EFR3A: variants seen among roughly 807,000 people sequenced by gnomAD.
EFR3A encodes EFR3 homolog A, also known as protein EFR3 homolog A.
A neutral mutation model predicts 104.4 loss-of-function variants in EFR3A; 76 were observed. The observed-to-expected ratio is 0.73, with a 90% CI of 0.60 to 0.88. The LOEUF is 0.88. Among genes scored for constraint, EFR3A ranks in the 40% least tolerant of loss-of-function variants. The pLI is 0.00. For missense variants in EFR3A, 985 were observed against 1,012.5 expected (o/e 0.97, Z 0.37); for synonymous variants, 330 against 330.0 (o/e 1.00, Z 0.00).
intron 8 of EFR3A, among the ~76,000 whole-genome samples, chr8:131,965,919 G>A (rs1819692926): frequency 6.6e-6 from 1 of 152,108 alleles, no homozygotes; most frequent in Non-Finnish European, 1.5e-5. Flanking sequence ...TAGGGACATG[G>A]ATGAAATTGG....
chr8:131,935,725 TTTTTG>T (rs1817846089), intron 1 of EFR3A, among the ~76,000 whole-genome samples: 1 of 152,102 alleles, frequency 6.6e-6, no homozygotes, highest in African/African-American at 2.4e-5. Context: ...TAACTTAGTA[TTTTTG>T]TTTTGGAGGA....
chr8:132,002,413 T>TTG (rs995091154), intron 20 of EFR3A, among the ~76,000 whole-genome samples, 190 bp from the exon 21 acceptor site: 7 of 152,118 alleles, frequency 4.6e-5, no homozygotes, highest in African/African-American at 1.7e-4. Context: ...TTTTGGGTTT[T>TTG]TGTGTGTGTG....
intron 12 of EFR3A, 90 bp downstream of exon 12, chr8:131,977,182 TTAAG>T (rs1222825238): frequency 7.8e-6 from 7 of 892,366 alleles, no homozygotes; most frequent in Non-Finnish European, 1.2e-5. Flanking sequence ...CCGTTCTTTC[TTAAG>T]TAAGTTACTG....
At chr8:131,981,343 C>T (rs919063722) in intron 14 of EFR3A, among the ~76,000 whole-genome samples, 1 of 151,968 alleles carries the variant, frequency 6.6e-6, no homozygotes, top group Non-Finnish European at 1.5e-5. Flanking sequence ...GATTTTGAAT[C>T]CTTAAACTGT....
intron 9 of EFR3A, among the ~76,000 whole-genome samples, chr8:131,969,473 T>C (rs1425043842): frequency 6.6e-6 from 1 of 151,968 alleles, no homozygotes; most frequent in Non-Finnish European, 1.5e-5. Context: ...TAATGCAGTG[T>C]AAATGCTATG....
chr8:131,924,134 G>C, intron 1 of EFR3A: 1 of 440,824 alleles, frequency 2.3e-6, no homozygotes, highest in Non-Finnish European at 4.6e-6. Flanking sequence ...GAGAACTAAG[G>C]ACCAATGTAG....
At chr8:131,956,322 A>G (rs189809398) in intron 7 of EFR3A, among the ~76,000 whole-genome samples, 2 of 152,292 alleles carry the variant, frequency 1.3e-5, no homozygotes, top group African/African-American at 4.8e-5. Context: ...CTTAGATCGC[A>G]TTCACATCTC....
intron 12 of EFR3A, among the ~76,000 whole-genome samples, chr8:131,977,897 T>C (rs1027610570): frequency 8.5e-5 from 13 of 152,162 alleles, no homozygotes; most frequent in Non-Finnish European, 4.4e-5. Flanking sequence ...ATTCCTCCTC[T>C]GATGATATAA....
In EFR3A at chr8:132,011,187, A is replaced by G. The variant is rs948865965; in HGVS notation, c.*292A>G. Reference sequence around the variant, plus strand: ...TCCACTGTTAAGTAGTATGTTTTAAACTTTTCACAAATGTAATGTTTTTTA... The same window carrying G: ...TCCACTGTTAAGTAGTATGTTTTAAGCTTTTCACAAATGTAATGTTTTTTA... On this transcript the variant is annotated 3_prime_UTR_variant, in exon 23 of 23. Transcript: ENST00000254624. The G allele has an allele frequency of 1.9e-5, 20 of 1,050,500 alleles. No individual in the cohort carries two copies. Among genetic ancestry groups the G allele is most frequent in the Non-Finnish European group, 2.3e-5 (20 of 870,314 alleles). The allele number at this position is 1,050,500 out of a possible 1,614,324, so 65.1% of individuals were successfully genotyped here. A position where few individuals can be genotyped will look rare whatever the true frequency, so the allele number is the denominator to read the frequency against.
intron 5 of EFR3A, among the ~76,000 whole-genome samples, chr8:131,951,374 A>T (rs944050499): frequency 8.6e-5 from 13 of 152,030 alleles, no homozygotes; most frequent in African/African-American, 3.1e-4. Flanking sequence ...TTACCTTACA[A>T]TAATTAGTTT....
chr8:131,998,088 T>G (rs1048497075), intron 19 of EFR3A, among the ~76,000 whole-genome samples: 1 of 152,066 alleles, frequency 6.6e-6, no homozygotes, highest in Admixed American at 6.5e-5. Flanking sequence ...TAGTGTCACA[T>G]TTGCTTGAGC....
intron 5 of EFR3A, among the ~76,000 whole-genome samples, chr8:131,952,133 T>TACCACCACC (rs916628157): frequency 1.3e-5 from 2 of 151,734 alleles, no homozygotes; most frequent in African/African-American, 2.4e-5. Flanking sequence ...TGGTAGAAAT[T>TACCACCACC]ACCACCACCA....
At chr8:132,010,549 C>T (rs1185884802) in intron 22 of EFR3A, among the ~76,000 whole-genome samples, 5 of 150,668 alleles carry the variant, frequency 3.3e-5, no homozygotes, top group African/African-American at 1.2e-4. Flanking sequence ...AGAGTATAAT[C>T]GCATTTAAAA....
intron 8 of EFR3A, among the ~76,000 whole-genome samples, chr8:131,960,432 A>G (rs530859605): frequency 2.0e-4 from 30 of 152,190 alleles, no homozygotes; most frequent in Non-Finnish European, 4.1e-4. Context: ...CCTATCCCCA[A>G]GTATATCAAG....
At chr8:131,968,919 G>A (rs1005334001) in intron 9 of EFR3A, among the ~76,000 whole-genome samples, 3 of 152,264 alleles carry the variant, frequency 2.0e-5, no homozygotes, top group African/African-American at 7.2e-5. Flanking sequence ...AAATTAAGTT[G>A]TAGCCAAATT....
At chr8:131,961,410 G>A (rs1213162990) in intron 8 of EFR3A, among the ~76,000 whole-genome samples, 2 of 152,192 alleles carry the variant, frequency 1.3e-5, no homozygotes, top group Non-Finnish European at 2.9e-5. Flanking sequence ...ACTACTTGAC[G>A]AATGCACAAG....
At chr8:132,007,971 T>C (rs1822129195) in intron 22 of EFR3A, among the ~76,000 whole-genome samples, 1 of 151,998 alleles carries the variant, frequency 6.6e-6, no homozygotes, top group Non-Finnish European at 1.5e-5. Context: ...AATCAATGTC[T>C]ATGTAAAAGC....
At chr8:132,009,380 A>T (rs1045714411) in intron 22 of EFR3A, among the ~76,000 whole-genome samples, 4 of 152,080 alleles carry the variant, frequency 2.6e-5, no homozygotes, top group Admixed American at 1.3e-4. Flanking sequence ...AAGTATTTGA[A>T]CAAATGATGC....
chr8:131,980,201 T>C (rs1820535584), intron 14 of EFR3A, among the ~76,000 whole-genome samples: 1 of 152,022 alleles, frequency 6.6e-6, no homozygotes, highest in Non-Finnish European at 1.5e-5. Context: ...CCGTAATCCA[T>C]GTTCTTTTTT....
Sources: allele counts gnomAD v4.1 joint callset (sites outside exome capture counted in the v4.1 genomes callset), GRCh38; gene constraint gnomAD v4.1.1; transcripts MANE v1.5; gene names NCBI Gene and HGNC (gene_info 2026-07-23, HGNC 2026-07-21).